ARHGEF28: variants seen among roughly 807,000 people sequenced by gnomAD.
The protein encoded by ARHGEF28 is Rho guanine nucleotide exchange factor 28.
Under a neutral mutation model 206.6 loss-of-function variants are expected in ARHGEF28, and 152 were observed. The observed-to-expected ratio is 0.74, with a 90% confidence interval of 0.64 to 0.84. The LOEUF is 0.84. Ranked by LOEUF, ARHGEF28 falls within the 40% of genes least tolerant of loss-of-function variation. The pLI is 0.00. For missense variants in ARHGEF28, 2,028 were observed against 2,073.2 expected, an observed-to-expected ratio of 0.98 and a Z score of 0.42; for synonymous variants, 763 against 776.4, an observed-to-expected ratio of 0.98 and a Z score of 0.29.
chr5:73,927,271 G>GT (rs1358622270), intron 35 of ARHGEF28, among the ~76,000 whole-genome samples: 5 of 152,134 alleles, frequency 3.3e-5, no homozygotes, highest in Admixed American at 1.3e-4. Context: ...TAGCTACTTG[G>GT]GGGGCTGAGG....
intron 4 of ARHGEF28, among the ~76,000 whole-genome samples, chr5:73,766,153 CAA>C (rs369385323): frequency 1.7e-5 from 2 of 114,740 alleles, no homozygotes; most frequent in African/African-American, 2.9e-5. Flanking sequence ...GACTCCATCT[CAA>C]AAAAAAAAAA....
chr5:73,887,309 A>G (rs1159206703), intron 25 of ARHGEF28, among the ~76,000 whole-genome samples: 1 of 152,186 alleles, frequency 6.6e-6, no homozygotes, highest in African/African-American at 2.4e-5. Flanking sequence ...CGAAGGTAAG[A>G]GTTTGCTCCA....
chr5:73,808,066 C>T (rs1380653992), intron 9 of ARHGEF28, among the ~76,000 whole-genome samples: 1 of 151,888 alleles, frequency 6.6e-6, no homozygotes, highest in East Asian at 1.9e-4. Context: ...TGTTTTTGTT[C>T]AAATAAATAA....
intron 2 of ARHGEF28, among the ~76,000 whole-genome samples, chr5:73,744,967 GT>G (rs1160967019): frequency 6.6e-6 from 1 of 151,962 alleles, no homozygotes; most frequent in Non-Finnish European, 1.5e-5. Context: ...ACATTATTAT[GT>G]TTTGCTAATA....
intron 9 of ARHGEF28, among the ~76,000 whole-genome samples, chr5:73,832,001 T>A (rs563693204): frequency 3.8e-4 from 58 of 152,330 alleles, no homozygotes; most frequent in African/African-American, 1.3e-3. Context: ...TGAAGTTTAG[T>A]TACTAATAAA....
intron 1 of ARHGEF28, among the ~76,000 whole-genome samples, chr5:73,647,051 C>T (rs1194191300): frequency 6.6e-6 from 1 of 152,184 alleles, no homozygotes; most frequent in South Asian, 2.1e-4. Context: ...ATTGTATATA[C>T]AGGTTGAGCA....
At chr5:73,796,661 A>T (rs1754838863) in intron 9 of ARHGEF28, among the ~76,000 whole-genome samples, 1 of 152,230 alleles carries the variant, frequency 6.6e-6, no homozygotes, top group African/African-American at 2.4e-5. Context: ...ATCTTGCTGC[A>T]TGTGGCCCTA....
intron 35 of ARHGEF28, among the ~76,000 whole-genome samples, chr5:73,934,827 AC>A (rs1421949505): frequency 6.6e-6 from 1 of 152,196 alleles, no homozygotes; most frequent in African/African-American, 2.4e-5. Flanking sequence ...AGTTTATTTG[AC>A]CACTACATTC....
At chr5:73,734,175 G>T (rs1750773911) in intron 2 of ARHGEF28, among the ~76,000 whole-genome samples, 1 of 152,102 alleles carries the variant, frequency 6.6e-6, no homozygotes, top group African/African-American at 2.4e-5. Context: ...GTAAAAAAAA[G>T]GATGGAAGGG....
intron 21 of ARHGEF28, among the ~76,000 whole-genome samples, chr5:73,871,145 T>C (rs1760082846): frequency 6.6e-6 from 1 of 152,234 alleles, no homozygotes; most frequent in African/African-American, 2.4e-5. Context: ...CTCTCAATTC[T>C]CAATTTCATA....
intron 1 of ARHGEF28, among the ~76,000 whole-genome samples, chr5:73,650,265 T>TTTTC (rs1426011006): frequency 4.9e-5 from 7 of 141,914 alleles, no homozygotes; most frequent in Non-Finnish European, 6.0e-5. Flanking sequence ...CTGAGAGATG[T>TTTTC]TTTCTTTCTT....
At chr5:73,640,612 TCTTA>T (rs1166228043) in intron 1 of ARHGEF28, among the ~76,000 whole-genome samples, 3 of 152,186 alleles carry the variant, frequency 2.0e-5, no homozygotes, top group Non-Finnish European at 2.9e-5. Context: ...ATACAGCTGT[TCTTA>T]CTTAGAGTCT....
At chr5:73,763,931 C>T (rs1443411857) in intron 4 of ARHGEF28, among the ~76,000 whole-genome samples, 1 of 152,110 alleles carries the variant, frequency 6.6e-6, no homozygotes, top group Non-Finnish European at 1.5e-5. Flanking sequence ...TAAATTGTGA[C>T]CACAGGAAAA....
intron 9 of ARHGEF28, among the ~76,000 whole-genome samples, chr5:73,809,483 C>T (rs1026140992): frequency 8.5e-5 from 13 of 152,176 alleles, no homozygotes; most frequent in African/African-American, 2.7e-4. Flanking sequence ...ATCTGTGTCT[C>T]CCAAACCCAT....
intron 22 of ARHGEF28, among the ~76,000 whole-genome samples, chr5:73,881,395 C>T (rs6875897): frequency 0.017 from 2,518 of 152,242 alleles, 63 homozygotes; most frequent in African/African-American, 0.058. Context: ...AAATTGACAT[C>T]TTTACTATTT....
intron 20 of ARHGEF28, among the ~76,000 whole-genome samples, chr5:73,869,030 A>C (rs1292322104): frequency 6.6e-6 from 1 of 152,186 alleles, no homozygotes; most frequent in Non-Finnish European, 1.5e-5. Flanking sequence ...CACCAGTAAG[A>C]AGGAAAACCA....
chr5:73,922,442 C>A (rs190110418), intron 35 of ARHGEF28, among the ~76,000 whole-genome samples: 3 of 152,218 alleles, frequency 2.0e-5, no homozygotes, highest in African/African-American at 7.2e-5. Flanking sequence ...AGTCAAGGAG[C>A]CTTCACATAC....
intron 35 of ARHGEF28, among the ~76,000 whole-genome samples, chr5:73,924,017 C>T (rs968319785): frequency 2.6e-5 from 4 of 152,056 alleles, no homozygotes; most frequent in African/African-American, 9.7e-5. Flanking sequence ...ACCAGAATGA[C>T]CAAGAACTGA....
intron 1 of ARHGEF28, among the ~76,000 whole-genome samples, chr5:73,648,018 C>G (rs924491778): frequency 2.0e-5 from 3 of 152,132 alleles, no homozygotes; most frequent in African/African-American, 7.2e-5. Context: ...TAAAATTGCT[C>G]AGCTATTTTT....
Sources: gnomAD v4.1 joint callset for allele counts (sites outside exome capture counted in the v4.1 genomes callset) on GRCh38, gnomAD v4.1.1 for gene constraint, MANE v1.5 for transcripts, NCBI Gene and HGNC (gene_info 2026-07-23, HGNC 2026-07-21) for gene names.